Variants in C1RL observed in about 807,000 individuals in gnomAD.
C1RL encodes the protein complement C1r subcomponent like.
A neutral mutation model predicts 27.9 loss-of-function variants in C1RL; 27 were observed. The observed-to-expected ratio is 0.97, with a 90% CI of 0.71 to 1.33. The LOEUF is 1.33. Among genes scored for constraint, C1RL ranks in the 40% most tolerant of loss-of-function variants. The pLI, the probability that C1RL is intolerant of heterozygous loss-of-function variation, is 0.00. For missense variants in C1RL, 563 were observed against 623.9 expected, an observed-to-expected ratio of 0.90 and a Z score of 1.04; for synonymous variants, 248 against 252.1, an observed-to-expected ratio of 0.98 and a Z score of 0.15.
rs142333868 is a variant in C1RL, at chr12:7,095,478, T to A, written c.*913A>T. ...CTCTCAGGTGGAGCAGTTCCCCTGATGATAGGGGCACAGGTGGGGTGTCTG... is the reference window on the plus strand; with the variant it reads ...CTCTCAGGTGGAGCAGTTCCCCTGAAGATAGGGGCACAGGTGGGGTGTCTG... On this transcript the variant is annotated 3_prime_UTR_variant, in exon 6 of 6. Coordinates refer to ENST00000266542, the MANE Select transcript of C1RL (RefSeq NM_016546.4). The A allele has an allele frequency of 1.5e-4, 144 of 991,324 alleles. No individual in the cohort carries two copies. The African/African-American group carries it at 2.4e-3, about 17-fold the overall frequency. 61.4% of individuals were successfully genotyped at this position (991,324 alleles called of 1,614,324 possible). A position where few individuals can be genotyped will look rare whatever the true frequency, so the allele number is the denominator to read the frequency against.
At chr12:7,102,155 G>A in intron 2 of C1RL, 68 bp from the exon 3 acceptor site, 2 of 1,489,388 alleles carry the variant, frequency 1.3e-6, no homozygotes, top group South Asian at 1.2e-5. Context: ...GGCATCACAG[G>A]GGCACATCCT....
At chr12:7,108,581 C>A (rs1338259939) in intron 1 of C1RL, 102 bp from the exon 2 acceptor site, 3 of 870,006 alleles carry the variant, frequency 3.4e-6, no homozygotes. Context: ...AGAGGCCTCG[C>A]GAGGCAGGGC....
At chr12:7,099,206 CAA>C (rs1352809909) in intron 5 of C1RL, among the ~76,000 whole-genome samples, 1 of 86,918 alleles carries the variant, frequency 1.2e-5, no homozygotes, top group African/African-American at 4.8e-5. Context: ...GTCTGGGCGA[CAA>C]GAGAGAAACT....
rs755893982 is a variant in C1RL, at chr12:7,099,065, A to C, written c.691+621T>G. 2.4e-4 allele frequency among the ~76,000 whole-genome samples: 36 copies of C among 150,882 alleles called. No homozygotes were observed. The East Asian group carries it at 7.0e-3, about 29-fold the overall frequency. ...ACAAAAAAAAAAAAAAAATAAAATA[A>C]AATAAAAAAATGAGCTGGGCATAGT... On this transcript the variant is annotated intron_variant, in intron 5 of 5. Transcript: ENST00000266542.
In C1RL at chr12:7,109,171, G is replaced by C; in HGVS notation, c.10C>G (p.Pro4Ala). 2 of 1,601,066 alleles carry C rather than the reference G, an allele frequency of 1.2e-6. No individual in the cohort carries two copies. The highest frequency in any genetic ancestry group is 1.7e-6 in the Non-Finnish European group (2 of 1,173,150). The change falls in exon 1 of 6, where the codon CCC (proline) becomes GCC (alanine). Residue 4 changes from proline (P) to alanine (A), a missense_variant. Physicochemically the swap from Pro to Ala is conservative, Grantham distance 27 (BLOSUM62 -1). Transcript: ENST00000266542. ...CAGAGATATTTCCCCCACACTCTGG[G>C]TCCAGGCATCTGGAACTGGACATCT... MPG[P>A]RVWGKYLWRS...
chr12:7,105,589 C>G (rs750783112), intron 2 of C1RL, among the ~76,000 whole-genome samples: 213 of 152,180 alleles, frequency 1.4e-3, no homozygotes, highest in African/African-American at 4.5e-3. Context: ...AATGGACAGC[C>G]AAGTATTATC....
intron 5 of C1RL, among the ~76,000 whole-genome samples, chr12:7,098,724 T>C (rs1308962308): frequency 1.3e-5 from 2 of 152,310 alleles, no homozygotes; most frequent in East Asian, 3.9e-4. Flanking sequence ...ACACATTATA[T>C]GATTCCACTG....
At chr12:7,101,834 A>G in intron 3 of C1RL, 64 bp downstream of exon 3, 1 of 1,539,330 alleles carries the variant, frequency 6.5e-7, no homozygotes, top group South Asian at 1.1e-5. Flanking sequence ...TTAAGGCTTG[A>G]AGATACCAGG....
At chr12:7,108,915 A>C in intron 1 of C1RL, 195 bp downstream of exon 1, 1 of 559,124 alleles carries the variant, frequency 1.8e-6, no homozygotes, top group Non-Finnish European at 3.2e-6. Flanking sequence ...TCCCCATGGA[A>C]TATCTGCTGT....
Position 7,096,210 on chromosome 12 carries a change from G to C in C1RL, c.*181C>G, listed in dbSNP as rs906358196. On this transcript the variant is annotated 3_prime_UTR_variant, in exon 6 of 6. Transcript: ENST00000266542. ...CTCTGCTTCCTGTCTGGGATGGGGC[G>C]GGCTTGCCGGGTGGGGGTTTCTCTT... 1 of 1,383,768 alleles carries C rather than the reference G, an allele frequency of 7.2e-7. No homozygotes were observed. Among genetic ancestry groups the C allele is most frequent in the Non-Finnish European group, 9.3e-7 (1 of 1,073,032 alleles). 85.7% of individuals were successfully genotyped at this position (1,383,768 alleles called of 1,614,324 possible).
At chr12:7,108,113 G>C (rs3752772) in intron 2 of C1RL, 138 bp downstream of exon 2, 57,418 of 684,308 alleles carry the variant, frequency 0.084, 2,822 homozygotes, top group South Asian at 0.17. Flanking sequence ...CTGCTCCCCG[G>C]TAAGCCAAGC....
In C1RL at chr12:7,095,414, C is replaced by T; in HGVS notation, c.*977G>A. 1 of 999,184 alleles carries T rather than the reference C, an allele frequency of 1.0e-6. No homozygotes were observed. Among genetic ancestry groups the T allele is most frequent in the Non-Finnish European group, 1.2e-6 (1 of 837,392 alleles). 61.9% of individuals were successfully genotyped at this position (999,184 alleles called of 1,614,324 possible). On this transcript the variant is annotated 3_prime_UTR_variant, in exon 6 of 6. Coordinates refer to ENST00000266542, the MANE Select transcript of C1RL (RefSeq NM_016546.4). ...CAGGCGTGAGCCACTGCGCCCGGCC[C>T]ATCACCTCCAGGTTTTACTAAAAAT...
At chr12:7,100,285 G>T (rs1233891153) in intron 3 of C1RL, among the ~76,000 whole-genome samples, 1 of 152,252 alleles carries the variant, frequency 6.6e-6, no homozygotes, top group East Asian at 1.9e-4. Context: ...CCGTTTTGGA[G>T]AAAATTTTAG....
intron 1 of C1RL, chr12:7,108,704 G>C: frequency 1.8e-6 from 1 of 569,200 alleles, no homozygotes; most frequent in Non-Finnish European, 3.1e-6. Context: ...TAGGATTGTG[G>C]GTTTTCCATC....
chr12:7,102,108 G>C, intron 2 of C1RL, 21 bp from the exon 3 acceptor site: 1 of 1,596,502 alleles, frequency 6.3e-7, no homozygotes, highest in Non-Finnish European at 8.6e-7. Flanking sequence ...GAGGAGGAGT[G>C]AGGCTGCAGA....
rs761312829 is a variant in C1RL, at chr12:7,096,493, G to A, written c.1362C>T (p.Gly454=). ...DNHAHHWVAT[G]IVSWGIGCGE... is the part of the protein sequence containing the mutation. The stretch of plus-strand genomic sequence containing the variant: ...CACACCCTATGCCCCAGGACACAAT[G>A]CCCGTGGCCACCCAGTGATGGGCAT... Residue 454 remains glycine, a synonymous_variant, in exon 6 of 6, where the codon GGC becomes GGT. Coordinates refer to ENST00000266542, the MANE Select transcript of C1RL (RefSeq NM_016546.4). 5.0e-6 allele frequency: 8 copies of A among 1,613,998 alleles called. No individual in the cohort carries two copies. The highest frequency in any genetic ancestry group is 3.3e-5 in the Admixed American group (2 of 59,990).
At chr12:7,100,873 CA>C (rs1025375738) in intron 3 of C1RL, among the ~76,000 whole-genome samples, 4 of 152,028 alleles carry the variant, frequency 2.6e-5, no homozygotes, top group African/African-American at 9.7e-5. Flanking sequence ...ATATATTATT[CA>C]GTAGAAAAAT....
intron 2 of C1RL, 113 bp from the exon 3 acceptor site, chr12:7,102,200 C>A: frequency 4.5e-6 from 5 of 1,112,448 alleles, no homozygotes; most frequent in Non-Finnish European, 6.5e-6. Context: ...ACGGGCCGTG[C>A]CCCTCTGGGG....
In C1RL at chr12:7,108,285, T is replaced by TG; in HGVS notation, c.265_266insC (p.Glu89AlafsTer80). On this transcript the variant is annotated frameshift_variant, in exon 2 of 6. Coordinates refer to ENST00000266542, the MANE Select transcript of C1RL (RefSeq NM_016546.4). LOFTEE classifies it high-confidence loss of function. ...GTCCCCTGCACAGTCCTGGGACGGC[T>TG]CCAGGTCGAAGTCCTGGAAGACGAG... 1 of 1,613,986 alleles carries TG rather than the reference T, an allele frequency of 6.2e-7. No homozygotes were observed. Among genetic ancestry groups the TG allele is most frequent in the Non-Finnish European group, 8.5e-7 (1 of 1,179,950 alleles).
Sources: gnomAD v4.1 joint callset for allele counts (sites outside exome capture counted in the v4.1 genomes callset) on GRCh38, gnomAD v4.1.1 for gene constraint, MANE v1.5 for transcripts, NCBI Gene and HGNC (gene_info 2026-07-23, HGNC 2026-07-21) for gene names.